The following FGF13 variants were observed in gnomAD, a reference collection of about 807,000 sequenced individuals.
FGF13 encodes the protein fibroblast growth factor homologous factor 2.
Under a neutral mutation model 19.5 loss-of-function variants are expected in FGF13, and 2 were observed. That is an observed-to-expected ratio of 0.10 (90% confidence interval 0.04 to 0.32). The LOEUF is 0.32. Ranked by LOEUF, FGF13 falls within the 10% of genes least tolerant of loss-of-function variation. The probability of loss-of-function intolerance (pLI) is 1.00; values close to 1 mark genes in which losing one functional copy is unlikely to be tolerated. For synonymous variants in FGF13, 72 were observed against 76.9 expected, an observed-to-expected ratio of 0.94 and a Z score of 0.33; for missense variants, 113 against 192.7, an observed-to-expected ratio of 0.59 and a Z score of 2.45.
intron 3 of FGF13, among the ~76,000 whole-genome samples, chrX:138,641,726 GT>G (rs1195719323): frequency 5.4e-5 from 6 of 111,556 alleles, no homozygotes; most frequent in Non-Finnish European, 9.4e-5. Flanking sequence ...TATATTTGAT[GT>G]GAATGAATTT....
At chrX:139,009,386 T>G (rs886089816) in intron 1 of FGF13, among the ~76,000 whole-genome samples, 7 of 111,852 alleles carry the variant, frequency 6.3e-5, no homozygotes, top group African/African-American at 2.3e-4. Context: ...GGAAAGAATC[T>G]TAAGAGCTAT....
At position 138,621,571 on chromosome X, in the gene FGF13, C is replaced by T. The variant is rs2089015821; in HGVS notation, c.*11279G>A. On this transcript the variant is annotated 3_prime_UTR_variant, in exon 5 of 5. Coordinates refer to ENST00000315930, the MANE Select transcript of FGF13 (RefSeq NM_004114.5). The stretch of plus-strand genomic sequence containing the variant: ...ACTATAAAAGAACCATAAACTAATC[C>T]CAAAGTCGGAAGAAGGAATGAAGTA... 1 of 109,332 alleles carries T rather than the reference C, an allele frequency of 9.1e-6. No homozygotes were observed. Among genetic ancestry groups the T allele is most frequent in the African/African-American group, 3.3e-5 (1 of 30,230 alleles). The allele number at this position is 109,332 out of a possible 1,213,427, so 9.0% of individuals were successfully genotyped here. A position where few individuals can be genotyped will look rare whatever the true frequency, so the allele number is the denominator to read the frequency against.
At chrX:138,938,502 T>A (rs1365115645) in intron 1 of FGF13, among the ~76,000 whole-genome samples, 1 of 110,921 alleles carries the variant, frequency 9.0e-6, no homozygotes, top group Non-Finnish European at 1.9e-5. Context: ...CAGGCATATA[T>A]AAAAGGAAGC....
intron 3 of FGF13, among the ~76,000 whole-genome samples, chrX:138,817,295 T>C (rs2090968188): frequency 8.9e-6 from 1 of 112,024 alleles, no homozygotes; most frequent in African/African-American, 3.2e-5. Context: ...TCCCTCTGTA[T>C]GGGAAGGAGG....
At chrX:138,663,838 G>A (rs779607390) in intron 3 of FGF13, among the ~76,000 whole-genome samples, 180 of 111,304 alleles carry the variant, frequency 1.6e-3, no homozygotes, top group African/African-American at 5.7e-3. Flanking sequence ...GAGAGAGGAG[G>A]GGGACCATTT....
exon 3 of FGF13, chrX:138,857,559 CAGA>C: frequency 1.7e-6 from 2 of 1,207,557 alleles, no homozygotes; most frequent in South Asian, 1.8e-5. Flanking sequence ...CAGCGGGCAG[CAGA>C]AGATTTCGTG....
chrX:138,918,055 T>G (rs1397559640), intron 1 of FGF13, among the ~76,000 whole-genome samples: 1 of 111,108 alleles, frequency 9.0e-6, no homozygotes. Flanking sequence ...AGAACATGTG[T>G]CTGTGCCTAT....
chrX:138,844,991 T>G (rs1174304278), intron 3 of FGF13, among the ~76,000 whole-genome samples: 2 of 110,979 alleles, frequency 1.8e-5, no homozygotes, highest in African/African-American at 6.5e-5. Flanking sequence ...AGAGCTGAGG[T>G]GTCCTGTACA....
At chrX:139,075,306 C>T (rs1260432855) in intron 1 of FGF13, among the ~76,000 whole-genome samples, 1 of 111,875 alleles carries the variant, frequency 8.9e-6, no homozygotes, top group Non-Finnish European at 1.9e-5. Context: ...TCACAACAGG[C>T]ACTACCCGAT....
chrX:139,063,591 T>A (rs1011449684), intron 1 of FGF13, among the ~76,000 whole-genome samples: 2 of 111,437 alleles, frequency 1.8e-5, no homozygotes, highest in Admixed American at 1.9e-4. Context: ...TAATGTTTAT[T>A]TTTCGAAATT....
At chrX:138,972,077 T>TGTGTGTGTGC (rs1315668683) in intron 1 of FGF13, among the ~76,000 whole-genome samples, 1 of 109,756 alleles carries the variant, frequency 9.1e-6, no homozygotes, top group Non-Finnish European at 1.9e-5. Flanking sequence ...TGTGTGTGTG[T>TGTGTGTGTGC]GTATATCACA....
chrX:138,764,839 C>A (rs958826837), intron 3 of FGF13, among the ~76,000 whole-genome samples: 1 of 111,905 alleles, frequency 8.9e-6, no homozygotes, highest in Non-Finnish European at 1.9e-5. Context: ...TTGTAAGGAT[C>A]CAATTAGGTG....
chrX:138,688,206 GC>G (rs762397171), intron 3 of FGF13, among the ~76,000 whole-genome samples: 1 of 109,131 alleles, frequency 9.2e-6, no homozygotes, highest in African/African-American at 3.3e-5. Flanking sequence ...CTTGTGATCT[GC>G]CCACCTGGGC....
intron 3 of FGF13, among the ~76,000 whole-genome samples, chrX:138,645,354 C>G: frequency 8.9e-6 from 1 of 112,131 alleles, no homozygotes; most frequent in East Asian, 2.8e-4. Flanking sequence ...AATGCCAACT[C>G]CCTTCTAAAT....
chrX:138,847,415 G>A (rs757152978), intron 3 of FGF13, among the ~76,000 whole-genome samples: 1 of 111,403 alleles, frequency 9.0e-6, no homozygotes. Flanking sequence ...TTGTACACTT[G>A]CTGCTTCCAA....
chrX:138,807,652 C>T (rs976212167), intron 3 of FGF13, among the ~76,000 whole-genome samples: 11 of 111,532 alleles, frequency 9.9e-5, no homozygotes, highest in South Asian at 3.7e-4. Context: ...GACTGGAAAA[C>T]TGGATAAAGA....
At chrX:139,193,559 AAG>A (rs1205253892) in intron 1 of FGF13, among the ~76,000 whole-genome samples, 1 of 111,242 alleles carries the variant, frequency 9.0e-6, no homozygotes, top group Non-Finnish European at 1.9e-5. Flanking sequence ...CCCTGTACAG[AAG>A]TAAGCAGTCA....
At chrX:138,821,682 G>A (rs943279457) in intron 3 of FGF13, among the ~76,000 whole-genome samples, 4 of 111,662 alleles carry the variant, frequency 3.6e-5, no homozygotes, top group Non-Finnish European at 7.5e-5. Flanking sequence ...GTTTTTAAAT[G>A]TGACTACTAG....
chrX:138,640,962 T>G (rs2089244718), intron 3 of FGF13, among the ~76,000 whole-genome samples: 1 of 111,380 alleles, frequency 9.0e-6, no homozygotes, highest in Non-Finnish European at 1.9e-5. Flanking sequence ...ACATATTTTT[T>G]TTTTACATGG....
Sources: allele counts gnomAD v4.1 joint callset (sites outside exome capture counted in the v4.1 genomes callset), GRCh38; gene constraint gnomAD v4.1.1; transcripts MANE v1.5; gene names NCBI Gene and HGNC (gene_info 2026-07-23, HGNC 2026-07-21).